Variants in TSPEAR observed in about 807,000 individuals in gnomAD.
The protein encoded by TSPEAR is thrombospondin-type laminin G domain and EAR repeat-containing protein.
Under a neutral mutation model 71.6 loss-of-function variants are expected in TSPEAR, and 69 were observed. That is an observed-to-expected ratio of 0.96 (90% CI 0.79 to 1.18). The LOEUF is 1.18. Ranked by LOEUF, TSPEAR falls within the 50% of genes most tolerant of loss-of-function variation. The pLI is 0.00. For synonymous variants in TSPEAR, 402 were observed against 387.2 expected, an observed-to-expected ratio of 1.04 and a Z score of -0.45; for missense variants, 971 against 894.9, an observed-to-expected ratio of 1.09 and a Z score of -1.09.
intron 2 of TSPEAR, chr21:44,539,065 G>T: frequency 3.0e-6 from 2 of 659,034 alleles, no homozygotes; most frequent in Non-Finnish European, 5.1e-6. Context: ...GAGCAGAGAA[G>T]CTGGGAGGGA....
chr21:44,504,539 C>T (rs1555911619), intron 11 of TSPEAR, among the ~76,000 whole-genome samples: 3 of 139,620 alleles, frequency 2.1e-5, no homozygotes, highest in African/African-American at 5.8e-5. Flanking sequence ...CTCGGTGAGC[C>T]CACAGTGGGG....
chr21:44,529,206 G>C (rs2052917191), intron 5 of TSPEAR, among the ~76,000 whole-genome samples: 1 of 152,242 alleles, frequency 6.6e-6, no homozygotes, highest in Non-Finnish European at 1.5e-5. Context: ...CCTCGGGTTG[G>C]CTGAGAGCAG....
chr21:44,534,157 G>A (rs1425442837), intron 2 of TSPEAR, among the ~76,000 whole-genome samples: 1 of 92,082 alleles, frequency 1.1e-5, no homozygotes, highest in Admixed American at 1.2e-4. Context: ...CTGGTGCCAG[G>A]GGTGGAGCTG....
chr21:44,697,950 C>G (rs782800038), intron 1 of TSPEAR: 2 of 1,605,990 alleles, frequency 1.2e-6, no homozygotes, highest in Admixed American at 1.7e-5. Flanking sequence ...GGCCTCTGCT[C>G]AGGCCAGAAG....
Position 44,574,872 on chromosome 21 carries a change from G to A in TSPEAR, c.83-6867C>T, listed in dbSNP as rs374023384. 9.1e-5 allele frequency: 146 copies of A among 1,612,106 alleles called. No individual in the cohort carries two copies. Among genetic ancestry groups the A allele is most frequent in the African/African-American group, 5.3e-4 (39 of 73,918 alleles). On this transcript the variant is annotated intron_variant, in intron 1 of 11. Transcript: ENST00000323084. Reference sequence around the variant, plus strand: ...CCTCTGCCGCCCCGTGTGCAGGCCCGCCTGCTGCGTGCCCGTCCCTTCCTG... The same window carrying A: ...CCTCTGCCGCCCCGTGTGCAGGCCCACCTGCTGCGTGCCCGTCCCTTCCTG...
intron 2 of TSPEAR, among the ~76,000 whole-genome samples, chr21:44,565,723 A>C (rs1423178409): frequency 6.6e-6 from 1 of 152,212 alleles, no homozygotes; most frequent in Non-Finnish European, 1.5e-5. Context: ...CAATTTGTTA[A>C]GGGCATCTAT....
At position 44,687,653 on chromosome 21, in the gene TSPEAR, A is replaced by G. The variant is rs1466425597; in HGVS notation, c.82+23780T>C. ...TTGGGTGAAATTGACTGGGGAAGGC[A>G]GAAGAGTTCTGGAGAGGATGGTAAA... is the stretch of plus-strand genomic sequence containing the variant. On this transcript the variant is annotated intron_variant, in intron 1 of 11. Coordinates refer to ENST00000323084, the MANE Select transcript of TSPEAR (RefSeq NM_144991.3). This position sits in a 1 kb window ranked among gnomAD's most constrained non-coding sequence, Gnocchi z 4.4. 6.6e-6 allele frequency among the ~76,000 whole-genome samples: 1 copy of G among 152,204 alleles called. No homozygotes were observed. Among genetic ancestry groups the G allele is most frequent in the Non-Finnish European group, 1.5e-5 (1 of 68,036 alleles).
chr21:44,558,794 C>T (rs62220866), intron 2 of TSPEAR: 62,270 of 1,518,394 alleles, frequency 0.041, 1,512 homozygotes, highest in South Asian at 0.056. Flanking sequence ...AGTGAGTGAT[C>T]GTGCCAGGCC....
At chr21:44,674,731 AGTGTGTGTGTGTGTGTGTGTGTGTGT>A (rs59452363) in intron 1 of TSPEAR, among the ~76,000 whole-genome samples, 39 of 127,150 alleles carry the variant, frequency 3.1e-4, no homozygotes, top group South Asian at 2.4e-3. Flanking sequence ...CTGTCTTTAA[AGTGTGTGTGTGTGTGTGTGTGTGTGT>A]GTGTGTGTGT....
At chr21:44,500,772 A>G (rs1304918146) in intron 11 of TSPEAR, among the ~76,000 whole-genome samples, 1 of 152,086 alleles carries the variant, frequency 6.6e-6, no homozygotes, top group Non-Finnish European at 1.5e-5. Context: ...AAAAATTCAT[A>G]TTTATATCTT....
chr21:44,711,307 G>T lies in TSPEAR; in HGVS notation c.82+126C>A. 1.2e-6 allele frequency: 1 copy of T among 856,370 alleles called. No homozygotes were observed. The highest frequency in any genetic ancestry group is 1.8e-6 in the Non-Finnish European group (1 of 543,618). The allele number at this position is 856,370 out of a possible 1,614,324, so 53.0% of individuals were successfully genotyped here. On this transcript the variant is annotated intron_variant, in intron 1 of 11. Transcript: ENST00000323084. The surrounding 1 kb of genome is among the most constrained non-coding windows in gnomAD (Gnocchi z 4.5). ...CATCTCCACAGGGTGCTACCTGCCA[G>T]TCCTGCCAAAGCGTCCTCGGGCACC...
rs115837828 is a variant in TSPEAR, at chr21:44,557,734, C to T, written c.303+10051G>A. ...AGAGTCCCGAAGCTCCCACCCCACG[C>T]GGCACGTTGAAGTTCTTCCCACAGG... is the stretch of plus-strand genomic sequence containing the variant. On this transcript the variant is annotated intron_variant, in intron 2 of 11. Coordinates refer to ENST00000323084, the MANE Select transcript of TSPEAR (RefSeq NM_144991.3). 2.6e-3 allele frequency: 1,004 copies of T among 391,412 alleles called. 13 individuals carry two copies. Among genetic ancestry groups the T allele is most frequent in the African/African-American group, 0.018 (907 of 49,918 alleles). 24.2% of individuals were successfully genotyped at this position (391,412 alleles called of 1,614,324 possible).
chr21:44,555,332 C>T (rs782190970), intron 2 of TSPEAR, among the ~76,000 whole-genome samples: 1 of 152,308 alleles, frequency 6.6e-6, no homozygotes. Flanking sequence ...CTCCCAGGTC[C>T]GACGGCTGCC....
chr21:44,530,045 C>T (rs797031664), intron 4 of TSPEAR, 91 bp from the exon 5 acceptor site: 15 of 1,338,908 alleles, frequency 1.1e-5, no homozygotes, highest in African/African-American at 1.5e-5. Flanking sequence ...ATCCAGAGCC[C>T]GGAGGAGGCT....
At chr21:44,544,772 G>A (rs2053273866) in intron 2 of TSPEAR, among the ~76,000 whole-genome samples, 1 of 152,128 alleles carries the variant, frequency 6.6e-6, no homozygotes, top group Non-Finnish European at 1.5e-5. Context: ...AGAATGGCCA[G>A]GAACGGAGGC....
At chr21:44,579,655 C>T (rs1978740297) in intron 1 of TSPEAR, 2 of 1,418,426 alleles carry the variant, frequency 1.4e-6, no homozygotes, top group Middle Eastern at 2.6e-4. Context: ...CACCTCAGCA[C>T]ATGGGGGCCC....
rs150906607 is a variant in TSPEAR, at chr21:44,688,508, C to T, written c.82+22925G>A. ...GGCCGAGGAGGGCAGATCATGAGGT[C>T]AGGAGATGGAGACCATCCTGGCTAA... On this transcript the variant is annotated intron_variant, in intron 1 of 11. Transcript: ENST00000323084. Among the ~76,000 whole-genome samples, 64 of 152,242 alleles carry T rather than the reference C, an allele frequency of 4.2e-4. 1 individual carries two copies. The East Asian group carries it at 0.012, about 28-fold the overall frequency.
chr21:44,551,901 T>G (rs2053447846), intron 2 of TSPEAR, among the ~76,000 whole-genome samples: 1 of 152,000 alleles, frequency 6.6e-6, no homozygotes, highest in African/African-American at 2.4e-5. Context: ...GGCGTGGCTG[T>G]GATTGGGAGA....
intron 2 of TSPEAR, among the ~76,000 whole-genome samples, chr21:44,542,745 A>AG (rs1210706499): frequency 6.6e-6 from 1 of 150,392 alleles, no homozygotes; most frequent in Non-Finnish European, 1.5e-5. Flanking sequence ...GACCTGTTAA[A>AG]AAAAAAAAAA....
Sources: gnomAD v4.1 joint callset for allele counts (sites outside exome capture counted in the v4.1 genomes callset) on GRCh38, gnomAD v4.1.1 for gene constraint, Gnocchi (gnomAD v3.1) non-coding constraint, MANE v1.5 for transcripts, NCBI Gene and HGNC (gene_info 2026-07-23, HGNC 2026-07-21) for gene names.